The following SCAF8 variants were observed in gnomAD, a reference collection of about 807,000 sequenced individuals.
SCAF8 encodes SR-related CTD associated factor 8, also known as SR-related and CTD-associated factor 8.
SCAF8 carries 23 observed loss-of-function variants against 140.5 expected under a neutral mutation model. That is an observed-to-expected ratio of 0.16 (90% confidence interval 0.12 to 0.23). The LOEUF is 0.23. SCAF8 is among the 10% of genes least tolerant of loss of function. The probability of loss-of-function intolerance (pLI) is 1.00; values close to 1 mark genes in which losing one functional copy is unlikely to be tolerated. For missense variants in SCAF8, 1,397 were observed against 1,555.7 expected (o/e 0.90, Z 1.72); for synonymous variants, 575 against 528.9 (o/e 1.09, Z -1.20).
intron 1 of SCAF8, among the ~76,000 whole-genome samples, chr6:154,770,537 C>T (rs71573698): frequency 0.033 from 5,001 of 151,842 alleles, 120 homozygotes; most frequent in Middle Eastern, 0.082. Flanking sequence ...TGCCACTGTA[C>T]CACTCCAGCC....
rs779492305 is a variant in SCAF8 at position 154,820,323 on chromosome 6, T to A, written c.1782T>A (p.Thr594=). 7 of 1,604,676 alleles carry A rather than the reference T, an allele frequency of 4.4e-6. No homozygotes were observed. Among genetic ancestry groups the A allele is most frequent in the Non-Finnish European group, 5.9e-6 (7 of 1,177,384 alleles). The change falls in exon 15 of 20, where the codon ACT becomes ACA. Residue 594 remains threonine, a synonymous_variant. Transcript: ENST00000367178. ...AAGGAGGCATGATTGATCAGGAGAC[T>A]GTAAATACTGGTAAGAATTCTAAGG... The part of the protein sequence containing the change: ...FAEGGMIDQE[T]VNTEWETVKS...
At chr6:154,804,657 G>T (rs1023554875) in intron 8 of SCAF8, among the ~76,000 whole-genome samples, 7 of 152,052 alleles carry the variant, frequency 4.6e-5, no homozygotes, top group Non-Finnish European at 7.4e-5. Context: ...TTGAAGACAG[G>T]TATCATTCTT....
At chr6:154,800,049 G>A (rs931792563) in intron 6 of SCAF8, among the ~76,000 whole-genome samples, 4 of 151,434 alleles carry the variant, frequency 2.6e-5, no homozygotes, top group Admixed American at 1.3e-4. Flanking sequence ...GCCTTCCAAA[G>A]TACTGGGATT....
chr6:154,768,632 G>A (rs538728846), intron 1 of SCAF8, among the ~76,000 whole-genome samples: 1 of 152,122 alleles, frequency 6.6e-6, no homozygotes, highest in Non-Finnish European at 1.5e-5. Context: ...AAATAAACTA[G>A]TATCTACATA....
In SCAF8 at chr6:154,808,681, T is replaced by G. The variant is rs1229475047; in HGVS notation, c.1114-5T>G. ...TGTTTGTTTGCTGTTCTTTTGACTT[T>G]CAAGGATATGGATATAGATGAAGGG... On this transcript the variant is annotated splice_polypyrimidine_tract_variant and splice_region_variant and intron_variant, in intron 10 of 19. Coordinates refer to ENST00000367178, the MANE Select transcript of SCAF8 (RefSeq NM_014892.5). 1 of 1,580,298 alleles carries G rather than the reference T, an allele frequency of 6.3e-7. No homozygotes were observed. The highest frequency in any genetic ancestry group is 1.3e-5 in the African/African-American group (1 of 74,286).
intron 1 of SCAF8, among the ~76,000 whole-genome samples, chr6:154,770,400 T>A (rs989501498): frequency 0.053 from 2,696 of 50,940 alleles, 74 homozygotes; most frequent in African/African-American, 0.18. Flanking sequence ...TCTCTCTCTC[T>A]CTCTCTCTCT....
In SCAF8 at chr6:154,767,142, CA is replaced by C. The variant is rs1039328491; in HGVS notation, c.31-6839del. Among the ~76,000 whole-genome samples the C allele has an allele frequency of 4.6e-5, 7 of 151,604 alleles. 1 individual carries two copies. The highest frequency in any genetic ancestry group is 3.9e-4 in the East Asian group (2 of 5,148). The stretch of plus-strand genomic sequence containing the variant: ...GGACAAAGCATTGATGGAACCAGTC[CA>C]AAAAAAAGCATTTTTCTTGCCCAGG... On this transcript the variant is annotated intron_variant, in intron 1 of 19. Coordinates refer to ENST00000367178, the MANE Select transcript of SCAF8 (RefSeq NM_014892.5).
intron 1 of SCAF8, chr6:154,742,011 G>A (rs1437736847): frequency 6.5e-7 from 1 of 1,532,162 alleles, no homozygotes; most frequent in Non-Finnish European, 8.7e-7. Context: ...ATGGACACAA[G>A]AAGCATAGTA....
At chr6:154,806,302 ATGTG>A (rs981192498) in intron 9 of SCAF8, among the ~76,000 whole-genome samples, 2 of 152,326 alleles carry the variant, frequency 1.3e-5, no homozygotes, top group South Asian at 4.1e-4. Flanking sequence ...TTTCTGCTGT[ATGTG>A]AGAAATGGTT....
chr6:154,761,493 C>CAAACA (rs956573681), intron 1 of SCAF8, among the ~76,000 whole-genome samples: 4 of 152,226 alleles, frequency 2.6e-5, no homozygotes, highest in African/African-American at 2.4e-5. Context: ...ACCCCTTCTC[C>CAAACA]AAACAAAACA....
At chr6:154,756,925 G>C (rs1189718422) in intron 1 of SCAF8, among the ~76,000 whole-genome samples, 2 of 152,150 alleles carry the variant, frequency 1.3e-5, no homozygotes, top group African/African-American at 4.8e-5. Context: ...CTACTCGGGA[G>C]GCTGAGGTGG....
At chr6:154,827,306 A>G (rs1778594658) in intron 18 of SCAF8, 66 bp downstream of exon 18, 2 of 997,464 alleles carry the variant, frequency 2.0e-6, no homozygotes, top group South Asian at 3.1e-5. Context: ...GTCAGTTCTC[A>G]TTCTTGTGAA....
intron 2 of SCAF8, among the ~76,000 whole-genome samples, chr6:154,777,505 C>T (rs1053227363): frequency 1.3e-5 from 2 of 152,086 alleles, no homozygotes; most frequent in East Asian, 3.8e-4. Context: ...AGTTCATTTT[C>T]CAGGAGAAGC....
At chr6:154,800,257 A>G (rs1777735355) in intron 6 of SCAF8, among the ~76,000 whole-genome samples, 1 of 151,270 alleles carries the variant, frequency 6.6e-6, no homozygotes, top group Non-Finnish European at 1.5e-5. Flanking sequence ...TAGGGCAAGA[A>G]TTTTTTGTGG....
At chr6:154,787,568 G>T (rs750036042) in intron 3 of SCAF8, among the ~76,000 whole-genome samples, 7 of 152,084 alleles carry the variant, frequency 4.6e-5, no homozygotes, top group Non-Finnish European at 8.8e-5. Flanking sequence ...TTTTCACAGT[G>T]GTTAAACAAA....
At chr6:154,776,791 A>G (rs990484487) in intron 2 of SCAF8, among the ~76,000 whole-genome samples, 1 of 151,824 alleles carries the variant, frequency 6.6e-6, no homozygotes, top group Non-Finnish European at 1.5e-5. Context: ...TCTTTTTGTT[A>G]TTATAAATAC....
intron 12 of SCAF8, among the ~76,000 whole-genome samples, chr6:154,812,753 G>C (rs905162364): frequency 5.9e-5 from 9 of 152,138 alleles, no homozygotes; most frequent in African/African-American, 1.9e-4. Context: ...TTCTGCATGG[G>C]ATGACAAGAA....
At position 154,790,611 on chromosome 6, in the gene SCAF8, C is replaced by T. The variant is rs549252054; in HGVS notation, c.322-2212C>T. On this transcript the variant is annotated intron_variant, in intron 4 of 19. Coordinates refer to ENST00000367178, the MANE Select transcript of SCAF8 (RefSeq NM_014892.5). ...CTGCAAGCTCCGCCTCCTGGGTTCA[C>T]GCCATTCTCTTGCCTCAGCCTCCCA... is the stretch of plus-strand genomic sequence containing the variant. Among the ~76,000 whole-genome samples the T allele has an allele frequency of 1.1e-3, 159 of 142,708 alleles. 1 individual carries two copies. The highest frequency in any genetic ancestry group is 3.6e-3 in the African/African-American group (139 of 38,260). The allele number at this position is 142,708 out of a possible 152,430, so 93.6% of individuals were successfully genotyped here.
At chr6:154,740,681 G>A (rs565794602) in intron 1 of SCAF8, among the ~76,000 whole-genome samples, 64 of 148,348 alleles carry the variant, frequency 4.3e-4, no homozygotes, top group Non-Finnish European at 8.1e-4. Flanking sequence ...GGGCAGTGGT[G>A]CCATCAAGGG....
Sources: gnomAD v4.1 joint callset for allele counts (sites outside exome capture counted in the v4.1 genomes callset) on GRCh38, gnomAD v4.1.1 for gene constraint, MANE v1.5 for transcripts, NCBI Gene and HGNC (gene_info 2026-07-23, HGNC 2026-07-21) for gene names.